Variants in ZNF143 observed in about 807,000 individuals in gnomAD.
ZNF143 encodes zinc finger protein 143.
ZNF143 carries 49 observed loss-of-function variants against 74.1 expected under a neutral mutation model. The ratio of observed to expected loss-of-function variants is 0.66; its 90% confidence interval spans 0.53 to 0.84. ZNF143 has a LOEUF of 0.84. Ranked by LOEUF, ZNF143 falls within the 40% of genes least tolerant of loss-of-function variation. The probability of loss-of-function intolerance (pLI) is 0.00; values close to 1 mark genes in which losing one functional copy is unlikely to be tolerated. For synonymous variants in ZNF143, 304 were observed against 282.8 expected (o/e 1.07, Z -0.75); for missense variants, 637 against 793.4 (o/e 0.80, Z 2.37).
chr11:9,499,089 A>T (rs1035588659), intron 10 of ZNF143, among the ~76,000 whole-genome samples: 11 of 152,366 alleles, frequency 7.2e-5, no homozygotes, highest in Middle Eastern at 3.4e-3. Flanking sequence ...AATATTGATT[A>T]AAAAACATCA....
At chr11:9,461,418 GGCCGCGTTTCTCGGCCTGACCTCC>G (rs1565013656) in intron 1 of ZNF143, among the ~76,000 whole-genome samples, 1 of 152,146 alleles carries the variant, frequency 6.6e-6, no homozygotes, top group Non-Finnish European at 1.5e-5. Context: ...CGGGAGCCTT[GGCCGCGTTTCTCGGCCTGACCTCC>G]GCGCAGAGCG....
intron 3 of ZNF143, among the ~76,000 whole-genome samples, chr11:9,473,010 G>GT (rs1856674871): frequency 6.6e-6 from 1 of 151,466 alleles, no homozygotes; most frequent in Non-Finnish European, 1.5e-5. Flanking sequence ...AGAGCAGGGA[G>GT]TATGTCTTAC....
At position 9,486,541 on chromosome 11, in the gene ZNF143, G is replaced by A. The variant is rs558439213; in HGVS notation, c.645+6995G>A. 2.3e-5 allele frequency among the ~76,000 whole-genome samples: 3 copies of A among 130,310 alleles called. No homozygotes were observed. In the East Asian group the frequency reaches 6.3e-4, roughly 27 times the overall value. The allele number at this position is 130,310 out of a possible 152,430, so 85.5% of individuals were successfully genotyped here. A position where few individuals can be genotyped will look rare whatever the true frequency, so the allele number is the denominator to read the frequency against. On this transcript the variant is annotated intron_variant, in intron 7 of 15. Coordinates refer to ENST00000396602, the MANE Select transcript of ZNF143 (RefSeq NM_003442.6). ...CTCTGATCCACCCTCATCTGCCAAG[G>A]CCAGCAGCTCCAGTTCCTTTTTCTG...
rs759146783 is a variant in ZNF143 at position 9,473,743 on chromosome 11, G to T, written c.206-198G>T. 3 of 1,509,932 alleles carry T rather than the reference G, an allele frequency of 2.0e-6. No homozygotes were observed. In the African/African-American group the frequency reaches 4.1e-5, roughly 21 times the overall value. 93.5% of individuals were successfully genotyped at this position (1,509,932 alleles called of 1,614,324 possible). ...CTAATTGAAAATTGCAGGGGAGGAA[G>T]GATGGCTGAGGGAGGATTTTCTGCT... On this transcript the variant is annotated intron_variant, in intron 3 of 15. Coordinates refer to ENST00000396602, the MANE Select transcript of ZNF143 (RefSeq NM_003442.6).
intron 5 of ZNF143, among the ~76,000 whole-genome samples, chr11:9,476,533 C>T (rs188371464): frequency 1.8e-4 from 27 of 151,792 alleles, no homozygotes; most frequent in South Asian, 1.2e-3. Context: ...CCACTACACC[C>T]GGCTAATTTT....
rs1193524733 is a variant in ZNF143 at position 9,510,417 on chromosome 11, C to T, written c.1375+1571C>T. Among the ~76,000 whole-genome samples, 3 of 152,056 alleles carry T rather than the reference C, an allele frequency of 2.0e-5. 1 individual carries two copies. Among genetic ancestry groups the T allele is most frequent in the Non-Finnish European group, 4.4e-5 (3 of 68,006 alleles). On this transcript the variant is annotated intron_variant, in intron 12 of 15. Coordinates refer to ENST00000396602, the MANE Select transcript of ZNF143 (RefSeq NM_003442.6). ...GGGATTACAGGCGTGAGCCACCGTA[C>T]CCAGCCCAGAAGTTCCTATATTCTA...
chr11:9,494,579 A>G (rs2134046433), intron 7 of ZNF143, 67 bp from the exon 8 acceptor site: 4 of 1,526,110 alleles, frequency 2.6e-6, no homozygotes, highest in Middle Eastern at 2.0e-4. Flanking sequence ...CCCATGTGCT[A>G]AGATTACTGG....
chr11:9,520,321 C>T (rs951767752), intron 14 of ZNF143, among the ~76,000 whole-genome samples: 4 of 145,198 alleles, frequency 2.8e-5, no homozygotes, highest in African/African-American at 1.0e-4. Flanking sequence ...TGTGCCTGTC[C>T]AATTTTTTTT....
intron 12 of ZNF143, among the ~76,000 whole-genome samples, chr11:9,509,257 T>C (rs539946853): frequency 1.3e-5 from 2 of 152,272 alleles, no homozygotes; most frequent in South Asian, 4.1e-4. Context: ...CAGTTCTGCC[T>C]GGGAAGGTGA....
At chr11:9,505,282 T>C (rs1036387951) in intron 11 of ZNF143, among the ~76,000 whole-genome samples, 2 of 149,590 alleles carry the variant, frequency 1.3e-5, no homozygotes, top group Non-Finnish European at 3.0e-5. Context: ...AAAAGACTTT[T>C]TTTTTGAGAT....
chr11:9,464,387 G>A (rs1353861799), intron 1 of ZNF143, among the ~76,000 whole-genome samples: 1 of 151,940 alleles, frequency 6.6e-6, no homozygotes, highest in Non-Finnish European at 1.5e-5. Flanking sequence ...GATCTCCTGA[G>A]GTCAGGAATT....
At chr11:9,482,136 A>G (rs1847266420) in intron 7 of ZNF143, among the ~76,000 whole-genome samples, 1 of 146,216 alleles carries the variant, frequency 6.8e-6, no homozygotes, top group South Asian at 2.2e-4. Context: ...ACGCCCGGCT[A>G]ATTTTTTGTA....
chr11:9,512,149 CT>C (rs1433219195), intron 12 of ZNF143, among the ~76,000 whole-genome samples: 2 of 152,102 alleles, frequency 1.3e-5, no homozygotes, highest in East Asian at 1.9e-4. Flanking sequence ...CTCTCCGCCC[CT>C]AATACACATA....
chr11:9,526,403 C>G (rs1359866947), intron 15 of ZNF143, among the ~76,000 whole-genome samples: 2 of 151,996 alleles, frequency 1.3e-5, no homozygotes, highest in African/African-American at 4.8e-5. Flanking sequence ...GGGCTAGGTG[C>G]AGATTACCTG....
At chr11:9,479,581 C>G in intron 7 of ZNF143, 35 bp downstream of exon 7, 1 of 1,565,776 alleles carries the variant, frequency 6.4e-7, no homozygotes, top group Non-Finnish European at 8.7e-7. Context: ...AAAAATCTAG[C>G]TTAGCATTTC....
At chr11:9,461,491 G>C (rs1855839635) in intron 1 of ZNF143, among the ~76,000 whole-genome samples, 1 of 152,180 alleles carries the variant, frequency 6.6e-6, no homozygotes, top group Non-Finnish European at 1.5e-5. Flanking sequence ...CCGCCGCCTG[G>C]GACGCCGGGC....
intron 1 of ZNF143, among the ~76,000 whole-genome samples, chr11:9,469,497 G>A (rs1327403995): frequency 1.3e-5 from 2 of 151,886 alleles, no homozygotes; most frequent in Non-Finnish European, 2.9e-5. Flanking sequence ...CTCCCAAAGT[G>A]CTGGGATTAC....
chr11:9,496,948 C>T (rs772318646), intron 9 of ZNF143, among the ~76,000 whole-genome samples: 3 of 152,054 alleles, frequency 2.0e-5, no homozygotes, highest in Admixed American at 1.3e-4. Context: ...TTTATTTTAG[C>T]GGGAAAATAA....
chr11:9,500,060 A>G (rs1848101847), intron 10 of ZNF143, among the ~76,000 whole-genome samples: 1 of 151,838 alleles, frequency 6.6e-6, no homozygotes, highest in Non-Finnish European at 1.5e-5. Flanking sequence ...CCCCCATCTC[A>G]CCCTCCCGAG....
Sources: gnomAD v4.1 joint callset for allele counts (sites outside exome capture counted in the v4.1 genomes callset) on GRCh38, gnomAD v4.1.1 for gene constraint, MANE v1.5 for transcripts, NCBI Gene and HGNC (gene_info 2026-07-23, HGNC 2026-07-21) for gene names.